The following ZBTB8OS variants were observed in gnomAD, a reference collection of about 807,000 sequenced individuals.
ZBTB8OS encodes the protein tRNA splicing ligase complex subunit 1.
ZBTB8OS carries 16 observed loss-of-function variants against 29.3 expected under a neutral mutation model. That is an observed-to-expected ratio of 0.55 (90% CI 0.37 to 0.83). The LOEUF is 0.83. ZBTB8OS is among the 40% of genes least tolerant of loss of function. The pLI is 0.00. For synonymous variants in ZBTB8OS, 70 were observed against 64.6 expected, an observed-to-expected ratio of 1.08 and a Z score of -0.40; for missense variants, 160 against 196.9, an observed-to-expected ratio of 0.81 and a Z score of 1.12.
Position 32,621,805 on chromosome 1 carries a change from AAAAGG to A in ZBTB8OS, c.*52_*56del. ...AGAATTTAATTCATAGTGTCTTCTC[AAAAGG>A]AAGAGGAAAACAAAAACAGTTCTTC... is the stretch of plus-strand genomic sequence containing the variant. On this transcript the variant is annotated 3_prime_UTR_variant, in exon 7 of 7. Transcript: ENST00000468695. 1 of 1,227,994 alleles carries A rather than the reference AAAAGG, an allele frequency of 8.1e-7. No individual in the cohort carries two copies. Among genetic ancestry groups the A allele is most frequent in the South Asian group, 1.3e-5 (1 of 75,318 alleles). The allele number at this position is 1,227,994 out of a possible 1,614,324, so 76.1% of individuals were successfully genotyped here. A position where few individuals can be genotyped will look rare whatever the true frequency, so the allele number is the denominator to read the frequency against.
chr1:32,648,154 A>T (rs183080791), intron 1 of ZBTB8OS, among the ~76,000 whole-genome samples: 4 of 152,380 alleles, frequency 2.6e-5, no homozygotes, highest in Admixed American at 6.5e-5. Context: ...ACTTACAATA[A>T]GAAAAATACA....
intron 1 of ZBTB8OS, among the ~76,000 whole-genome samples, chr1:32,640,560 G>A (rs1309002496): frequency 2.0e-5 from 3 of 152,078 alleles, no homozygotes; most frequent in African/African-American, 7.2e-5. Context: ...CGTCATCCAG[G>A]CTGAAGTGCA....
In ZBTB8OS at chr1:32,633,553, G is replaced by A. The variant is rs953162978; in HGVS notation, c.327+92C>T. On this transcript the variant is annotated intron_variant, in intron 4 of 6. Transcript: ENST00000468695. ...CATCTTATTTGTATGGATTGGTTTT[G>A]TTTCACATGTCCTATTTTAAATCAT... The A allele has an allele frequency of 6.3e-6, 6 of 948,472 alleles. No individual in the cohort carries two copies. In the African/African-American group the frequency reaches 9.9e-5, roughly 16 times the overall value. 58.8% of individuals were successfully genotyped at this position (948,472 alleles called of 1,614,324 possible).
chr1:32,645,112 G>C (rs1646738055), intron 1 of ZBTB8OS, among the ~76,000 whole-genome samples: 1 of 151,862 alleles, frequency 6.6e-6, no homozygotes, highest in Non-Finnish European at 1.5e-5. Flanking sequence ...CTGGGAGGAG[G>C]AGGTTGCAGT....
In ZBTB8OS at chr1:32,621,851, T is replaced by A. The variant is rs559943212; in HGVS notation, c.*11A>T. Reference sequence around the variant, plus strand: ...ACAGTTCTTCGTAGGAGTCTTTTATTTTTTGGTGTCTTAAATGTCAATGAT... The same window carrying A: ...ACAGTTCTTCGTAGGAGTCTTTTATATTTTGGTGTCTTAAATGTCAATGAT... On this transcript the variant is annotated 3_prime_UTR_variant, in exon 7 of 7. Coordinates refer to ENST00000468695, the MANE Select transcript of ZBTB8OS (RefSeq NM_178547.5). The A allele has an allele frequency of 3.8e-6, 6 of 1,569,176 alleles. No homozygotes were observed. The highest frequency in any genetic ancestry group is 4.3e-6 in the Non-Finnish European group (5 of 1,161,270).
At chr1:32,628,030 C>T (rs1156981465) in intron 5 of ZBTB8OS, among the ~76,000 whole-genome samples, 1 of 151,388 alleles carries the variant, frequency 6.6e-6, no homozygotes, top group Admixed American at 6.6e-5. Context: ...GGTGTCAGGG[C>T]AAGACTGTGT....
intron 1 of ZBTB8OS, among the ~76,000 whole-genome samples, chr1:32,639,475 T>C (rs1179385263): frequency 6.6e-6 from 1 of 152,008 alleles, no homozygotes; most frequent in Non-Finnish European, 1.5e-5. Context: ...TGTTAAAAGA[T>C]TTAACTGGTC....
upstream of ZBTB8OS, chr1:32,650,646 T>G (rs1015004781): frequency 1.6e-5 from 25 of 1,571,328 alleles, no homozygotes; most frequent in Middle Eastern, 1.7e-4. Flanking sequence ...CCACACTCCT[T>G]TCTCGGAGTT....
intron 1 of ZBTB8OS, among the ~76,000 whole-genome samples, chr1:32,646,254 G>T (rs988522625): frequency 6.6e-6 from 1 of 151,920 alleles, no homozygotes; most frequent in Non-Finnish European, 1.5e-5. Context: ...AGGAGGCAGA[G>T]GTTGTAGTGA....
At chr1:32,646,192 G>A (rs979984321) in intron 1 of ZBTB8OS, among the ~76,000 whole-genome samples, 3 of 151,856 alleles carry the variant, frequency 2.0e-5, no homozygotes, top group Admixed American at 6.6e-5. Flanking sequence ...GATGGTGCAC[G>A]CCTGTAATCC....
chr1:32,649,667 CATT>C lies in ZBTB8OS; in HGVS notation c.97+763_97+765del, dbSNP rs766123395. The stretch of plus-strand genomic sequence containing the variant: ...ACACACACACACACACACACACACA[CATT>C]TTTTTTTTTTTTTGAGACAGAGTTT... On this transcript the variant is annotated intron_variant, in intron 1 of 6. Transcript: ENST00000468695. Among the ~76,000 whole-genome samples, 94 of 128,032 alleles carry C rather than the reference CATT, an allele frequency of 7.3e-4. 1 individual carries two copies. The highest frequency in any genetic ancestry group is 4.1e-3 in the East Asian group (19 of 4,638). The allele number at this position is 128,032 out of a possible 152,430, so 84.0% of individuals were successfully genotyped here.
intron 1 of ZBTB8OS, among the ~76,000 whole-genome samples, chr1:32,641,023 A>AAAAAAAAAT (rs780243415): frequency 6.7e-6 from 1 of 149,082 alleles, no homozygotes; most frequent in Admixed American, 6.7e-5. Flanking sequence ...AAAAAAAAAA[A>AAAAAAAAAT]TTAGCTGGGC....
rs1395862398 is a variant in ZBTB8OS at position 32,650,514 on chromosome 1, C to T, written c.16G>A (p.Glu6Lys). Reference sequence around the variant, plus strand: ...GTCAAATTGTAATCTCTAACATCTTCCTCTTCCTGCGCCATGACTGCAGGA... The same window carrying T: ...GTCAAATTGTAATCTCTAACATCTTTCTCTTCCTGCGCCATGACTGCAGGA... MAQEE[E>K]DVRDYNLTEE... Residue 6 changes from glutamate to lysine, a missense_variant, in exon 1 of 7, where the codon GAA (glutamate) becomes AAA (lysine). Coordinates refer to ENST00000468695, the MANE Select transcript of ZBTB8OS (RefSeq NM_178547.5). 1.2e-6 allele frequency: 2 copies of T among 1,614,200 alleles called. No individual in the cohort carries two copies. Among genetic ancestry groups the T allele is most frequent in the South Asian group, 2.2e-5 (2 of 91,086 alleles).
In ZBTB8OS at chr1:32,620,942, C is replaced by T. The variant is rs1487268231; in HGVS notation, c.*920G>A. On this transcript the variant is annotated 3_prime_UTR_variant, in exon 7 of 7. Transcript: ENST00000468695. ...GTATTGACTTTTTCTTATGAGAAAA[C>T]AGGAAATATCATTAGTGCTTTTAAA... 1 of 152,100 alleles carries T rather than the reference C, an allele frequency of 6.6e-6. No individual in the cohort carries two copies. The highest frequency in any genetic ancestry group is 2.4e-5 in the African/African-American group (1 of 41,396). The allele number at this position is 152,100 out of a possible 1,614,324, so 9.4% of individuals were successfully genotyped here.
Position 32,649,295 on chromosome 1 carries a change from G to A in ZBTB8OS, c.97+1138C>T, listed in dbSNP as rs190047633. Among the ~76,000 whole-genome samples, 585 of 152,136 alleles carry A rather than the reference G, an allele frequency of 3.8e-3. 2 individuals carry two copies. The highest frequency in any genetic ancestry group is 5.7e-3 in the Admixed American group (87 of 15,228). On this transcript the variant is annotated intron_variant, in intron 1 of 6. Transcript: ENST00000468695. ...TAATATTTTAAAATTGTTTTTAAGT[G>A]AGAGAAGGGGATATGCTAGGAGGTA... is the stretch of plus-strand genomic sequence containing the variant.
intron 6 of ZBTB8OS, among the ~76,000 whole-genome samples, chr1:32,626,633 C>T (rs562583081): frequency 1.3e-5 from 2 of 152,306 alleles, no homozygotes; most frequent in Admixed American, 6.5e-5. Flanking sequence ...ACTGCAACCT[C>T]TGCCACCCAG....
intron 1 of ZBTB8OS, among the ~76,000 whole-genome samples, chr1:32,647,138 TGAGATTGGAAGTTC>T (rs1292554132): frequency 2.6e-4 from 38 of 143,740 alleles, no homozygotes; most frequent in South Asian, 4.5e-4. Context: ...GCGGATCACC[TGAGATTGGAAGTTC>T]GAGATTGGAA....
intron 1 of ZBTB8OS, among the ~76,000 whole-genome samples, chr1:32,647,198 A>G (rs1764884): frequency 0.97 from 145,941 of 149,914 alleles, 71,165 homozygotes; most frequent in South Asian, 1. Context: ...GAGAAACCCC[A>G]TCTCTACTAA....
chr1:32,642,637 A>C lies in ZBTB8OS; in HGVS notation c.97+7796T>G, dbSNP rs867410423. 5.3e-5 allele frequency among the ~76,000 whole-genome samples: 8 copies of C among 150,640 alleles called. No homozygotes were observed. In the South Asian group the frequency reaches 1.7e-3, roughly 32 times the overall value. On this transcript the variant is annotated intron_variant, in intron 1 of 6. Coordinates refer to ENST00000468695, the MANE Select transcript of ZBTB8OS (RefSeq NM_178547.5). ...GACCCTCCCAATCCTAAAGATGTTA[A>C]CTAACATCTGAATAGGAAACATTTG...
Sources: allele counts gnomAD v4.1 joint callset (sites outside exome capture counted in the v4.1 genomes callset), GRCh38; gene constraint gnomAD v4.1.1; transcripts MANE v1.5; gene names NCBI Gene and HGNC (gene_info 2026-07-23, HGNC 2026-07-21).